The following KAZALD1 variants were observed in gnomAD, a reference collection of about 807,000 sequenced individuals.
KAZALD1 encodes kazal-type serine protease inhibitor domain-containing protein 1.
A neutral mutation model predicts 27.7 loss-of-function variants in KAZALD1; 31 were observed. The ratio of observed to expected loss-of-function variants is 1.12; its 90% CI spans 0.84 to 1.51. The LOEUF (loss-of-function observed/expected upper bound fraction) is 1.51. KAZALD1 is among the 40% of genes most tolerant of loss of function. The probability of loss-of-function intolerance (pLI) is 0.00; values close to 1 mark genes in which losing one functional copy is unlikely to be tolerated. For missense variants in KAZALD1, 444 were observed against 408.9 expected (o/e 1.09, Z -0.74); for synonymous variants, 179 against 182.0 (o/e 0.98, Z 0.13).
chr10:101,064,945 T>A lies in KAZALD1; in HGVS notation c.*25T>A. Reference sequence around the variant, plus strand: ...GGTCCAGAGCTCTGGCCCATGGGGGTGGGTGAGCGGCTATAGTGTTCATCC... The same window carrying A: ...GGTCCAGAGCTCTGGCCCATGGGGGAGGGTGAGCGGCTATAGTGTTCATCC... On this transcript the variant is annotated 3_prime_UTR_variant, in exon 5 of 5. Coordinates refer to ENST00000370200, the MANE Select transcript of KAZALD1 (RefSeq NM_030929.5). 1 of 1,544,016 alleles carries A rather than the reference T, an allele frequency of 6.5e-7. No individual in the cohort carries two copies. Among genetic ancestry groups the A allele is most frequent in the East Asian group, 2.2e-5 (1 of 44,530 alleles).
At position 101,062,918 on chromosome 10, in the gene KAZALD1, G is replaced by T. The variant is rs1343915703; in HGVS notation, c.326G>T (p.Arg109Leu). ...YGHCGEQLECRLDTGGDLSRG... is the reference protein window; with the variant it reads ...YGHCGEQLECLLDTGGDLSRG... ...CACTGCGGCGAGCAGCTTGAGTGCCGGCTGGACACAGGCGGCGACCTGAGC... is the reference window on the plus strand; with the variant it reads ...CACTGCGGCGAGCAGCTTGAGTGCCTGCTGGACACAGGCGGCGACCTGAGC... Residue 109 changes from arginine (R) to leucine (L), a missense_variant, in exon 2 of 5, where the codon CGG (arginine) becomes CTG (leucine). Transcript: ENST00000370200. 1.2e-6 allele frequency: 2 copies of T among 1,603,046 alleles called. No individual in the cohort carries two copies. Among genetic ancestry groups the T allele is most frequent in the Admixed American group, 1.7e-5 (1 of 59,970 alleles).
downstream of KAZALD1, chr10:101,067,313 G>A (rs1458070661): frequency 4.4e-6 from 2 of 456,746 alleles, no homozygotes; most frequent in Admixed American, 4.7e-5. Flanking sequence ...CTGAAGGCGG[G>A]AGAGGCTCAG....
In KAZALD1 at chr10:101,066,270, A is replaced by T. The variant is rs933774458; in HGVS notation, c.*1350A>T. On this transcript the variant is annotated 3_prime_UTR_variant, in exon 5 of 5. Coordinates refer to ENST00000370200, the MANE Select transcript of KAZALD1 (RefSeq NM_030929.5). ...CTGCGGGAGGGCCTGCCCTTGGCTCAGCGTCAGAGTTTGTCCTCTGGGGCC... is the reference window on the plus strand; with the variant it reads ...CTGCGGGAGGGCCTGCCCTTGGCTCTGCGTCAGAGTTTGTCCTCTGGGGCC... 2 of 388,796 alleles carry T rather than the reference A, an allele frequency of 5.1e-6. No individual in the cohort carries two copies. Among genetic ancestry groups the T allele is most frequent in the Non-Finnish European group, 1.1e-5 (2 of 188,554 alleles). The allele number at this position is 388,796 out of a possible 1,614,324, so 24.1% of individuals were successfully genotyped here. A position where few individuals can be genotyped will look rare whatever the true frequency, so the allele number is the denominator to read the frequency against.
rs754280490 is a variant in KAZALD1 at position 101,064,329 on chromosome 10, G to A, written c.580G>A (p.Glu194Lys). ...AGGGCAGGATGTGATCTTTGGCTGT[G>A]AAGTGTTTGCCTACCCCATGGCCTC... ...VTGQDVIFGC[E>K]VFAYPMASIE... The change falls in exon 3 of 5, where the codon GAA becomes AAA. Residue 194 changes from glutamate to lysine, a missense_variant. Coordinates refer to ENST00000370200, the MANE Select transcript of KAZALD1 (RefSeq NM_030929.5). 1.9e-6 allele frequency: 3 copies of A among 1,614,240 alleles called. No homozygotes were observed. The highest frequency in any genetic ancestry group is 1.7e-6 in the Non-Finnish European group (2 of 1,180,036).
chr10:101,064,592 G>A lies in KAZALD1; in HGVS notation c.764G>A (p.Gly255Asp). The change falls in exon 4 of 5, where the codon GGC becomes GAC. Residue 255 changes from glycine to aspartate, a missense_variant. By Grantham distance (94) the Gly-to-Asp change is moderately conservative (BLOSUM62 -1). Coordinates refer to ENST00000370200, the MANE Select transcript of KAZALD1 (RefSeq NM_030929.5). Reference sequence around the variant, plus strand: ...GATGAGGGCACTTACCGCTGCCTTGGCCGCAATGCCCTGGGTCAAGTGGAG... The same window carrying A: ...GATGAGGGCACTTACCGCTGCCTTGACCGCAATGCCCTGGGTCAAGTGGAG... ...PSDEGTYRCLGRNALGQVEAP... is the reference protein window; with the variant it reads ...PSDEGTYRCLDRNALGQVEAP... The A allele has an allele frequency of 3.7e-6, 6 of 1,613,762 alleles. No individual in the cohort carries two copies. The highest frequency in any genetic ancestry group is 5.1e-6 in the Non-Finnish European group (6 of 1,179,964).
chr10:101,066,613 G>T lies in KAZALD1; in HGVS notation c.*1693G>T, dbSNP rs915786761. On this transcript the variant is annotated 3_prime_UTR_variant, in exon 5 of 5. Coordinates refer to ENST00000370200, the MANE Select transcript of KAZALD1 (RefSeq NM_030929.5). ...AAATCCGCCCGGCGCTGAAAGAGGG[G>T]ACGTGGGTGTGAGTCCCAGCATCAG... 7 of 415,416 alleles carry T rather than the reference G, an allele frequency of 1.7e-5. No homozygotes were observed. The highest frequency in any genetic ancestry group is 3.5e-5 in the Non-Finnish European group (7 of 201,996). The allele number at this position is 415,416 out of a possible 1,614,324, so 25.7% of individuals were successfully genotyped here.
At chr10:101,062,483 T>C (rs1186203031) in intron 1 of KAZALD1, 59 bp from the exon 2 acceptor site, 23 of 1,470,284 alleles carry the variant, frequency 1.6e-5, no homozygotes, top group Non-Finnish European at 2.1e-5. Flanking sequence ...AGCAGTGAGG[T>C]TGGTCTTTCG....
At position 101,064,535 on chromosome 10, in the gene KAZALD1, G is replaced by A. The variant is rs11190812; in HGVS notation, c.707G>A (p.Gly236Asp). The change falls in exon 4 of 5, where the codon GGC (glycine) becomes GAC (aspartate). Residue 236 changes from glycine (G) to aspartate (D), a missense_variant. Physicochemically the swap from Gly to Asp is moderately conservative, Grantham distance 94 (BLOSUM62 -1). Transcript: ENST00000370200. ...GGACCCCAGAGGTTTGAGGTGACTG[G>A]CTGGCTGCAGATCCAGGCTGTGCGT... is the stretch of plus-strand genomic sequence containing the variant. ...RGGPQRFEVT[G>D]WLQIQAVRPS... is the part of the protein sequence containing the mutation. 0.038 allele frequency: 60,884 copies of A among 1,614,108 alleles called. 1,425 individuals are homozygous for A. The highest frequency in any genetic ancestry group is 0.051 in the Admixed American group (3,046 of 60,026).
In KAZALD1 at chr10:101,062,829, C is replaced by G. The variant is rs750238766; in HGVS notation, c.237C>G (p.Cys79Trp). ...GGGTGCGCGACGCGTGCGGCTGCTGCTGGGAATGCGCCAACCTCGAGGGCC... is the reference window on the plus strand; with the variant it reads ...GGGTGCGCGACGCGTGCGGCTGCTGGTGGGAATGCGCCAACCTCGAGGGCC... Reference protein sequence around the residue: ...AGRVRDACGCCWECANLEGQL... With the variant: ...AGRVRDACGCWWECANLEGQL... Residue 79 changes from cysteine (C) to tryptophan (W), a missense_variant, in exon 2 of 5, where the codon TGC becomes TGG. By Grantham distance (215) the Cys-to-Trp change is radical. Transcript: ENST00000370200. 5.0e-6 allele frequency: 8 copies of G among 1,589,092 alleles called. No individual in the cohort carries two copies. In the Admixed American group the frequency reaches 6.8e-5, roughly 13 times the overall value.
At chr10:101,064,186 G>A (rs1300511624) in intron 2 of KAZALD1, 75 bp from the exon 3 acceptor site, 1 of 1,541,826 alleles carries the variant, frequency 6.5e-7, no homozygotes, top group African/African-American at 1.4e-5. Flanking sequence ...ACAAAAATTT[G>A]TGTATCATGT....
intron 2 of KAZALD1, 59 bp downstream of exon 2, chr10:101,063,162 C>G: frequency 2.9e-6 from 4 of 1,383,890 alleles, no homozygotes; most frequent in Non-Finnish European, 3.8e-6. Context: ...CACTGCTCCC[C>G]GACCCCTGAC....
rs994368861 is a variant in KAZALD1 at position 101,064,916 on chromosome 10, A to G, written c.911A>G (p.Tyr304Cys). ...GAGAGTGAAGAGAATGACGATTACT[A>G]CTAGGTCCAGAGCTCTGGCCCATGG... ...EAESEENDDY[Y>C] The change falls in exon 5 of 5, where the codon TAC (tyrosine) becomes TGC (cysteine). Residue 304 changes from tyrosine to cysteine, a missense_variant. Tyr to Cys is a radical substitution (Grantham distance 194). Transcript: ENST00000370200. 1 of 1,611,388 alleles carries G rather than the reference A, an allele frequency of 6.2e-7. No homozygotes were observed. Among genetic ancestry groups the G allele is most frequent in the Non-Finnish European group, 8.5e-7 (1 of 1,177,544 alleles).
rs1939258219 is a variant in KAZALD1, at chr10:101,064,385, C to A, written c.636C>A (p.Ile212=). ...SIEWRKDGLD[I]QLPGDDPHIS... is the part of the protein sequence containing the mutation. ...AGTGGAGGAAGGATGGCTTGGACAT[C>A]CAGCTGCCAGGGGATGACCCCCACA... The change falls in exon 3 of 5, where the codon ATC becomes ATA. Residue 212 remains isoleucine, a synonymous_variant. Transcript: ENST00000370200. 1 of 1,614,088 alleles carries A rather than the reference C, an allele frequency of 6.2e-7. No individual in the cohort carries two copies. The highest frequency in any genetic ancestry group is 1.7e-5 in the Admixed American group (1 of 60,006).
rs375185241 is a variant in KAZALD1, at chr10:101,063,035, T to G, written c.443T>G (p.Leu148Arg). Residue 148 changes from leucine to arginine, a missense_variant, in exon 2 of 5, where the codon CTG becomes CGG. Physicochemically the swap from Leu to Arg is moderately radical, Grantham distance 102 (BLOSUM62 -2). Transcript: ENST00000370200. Reference protein sequence around the residue: ...DGHTYSQICRLQEAARARPDA... With the variant: ...DGHTYSQICRRQEAARARPDA... ...CACACCTACTCCCAGATCTGCCGCCTGCAGGAGGCGGCCCGCGCTCGGCCC... is the reference window on the plus strand; with the variant it reads ...CACACCTACTCCCAGATCTGCCGCCGGCAGGAGGCGGCCCGCGCTCGGCCC... 6.3e-7 allele frequency: 1 copy of G among 1,586,984 alleles called. No homozygotes were observed. Among genetic ancestry groups the G allele is most frequent in the Admixed American group, 1.7e-5 (1 of 59,352 alleles).
rs1188905653 is a variant in KAZALD1 at position 101,064,422 on chromosome 10, G to A, written c.672+1G>A. ...GGATGACCCCCACATCTCTGTGCAG[G>A]TAGACTGGTGGGAGAGGCTTCCCTC... On this transcript the variant is annotated splice_donor_variant, in intron 3 of 4. Coordinates refer to ENST00000370200, the MANE Select transcript of KAZALD1 (RefSeq NM_030929.5). LOFTEE classifies it high-confidence loss of function. 2 of 1,614,112 alleles carry A rather than the reference G, an allele frequency of 1.2e-6. No individual in the cohort carries two copies. Among genetic ancestry groups the A allele is most frequent in the Non-Finnish European group, 1.7e-6 (2 of 1,180,048 alleles).
chr10:101,062,491 T>C, intron 1 of KAZALD1, 51 bp from the exon 2 acceptor site: 1 of 1,488,680 alleles, frequency 6.7e-7, no homozygotes, highest in Non-Finnish European at 8.9e-7. Context: ...GGTTGGTCTT[T>C]CGGCACAGGC....
At position 101,066,658 on chromosome 10, in the gene KAZALD1, C is replaced by T. The variant is rs1373767878; in HGVS notation, c.*1738C>T. 1 of 372,278 alleles carries T rather than the reference C, an allele frequency of 2.7e-6. No homozygotes were observed. The highest frequency in any genetic ancestry group is 2.1e-5 in the African/African-American group (1 of 47,626). 23.1% of individuals were successfully genotyped at this position (372,278 alleles called of 1,614,324 possible). ...CATCAGCCAGGGAATCCGCCCCTAG[C>T]TTGTTCTTCGCCCAGCTGGGCTCCA... is the stretch of plus-strand genomic sequence containing the variant. On this transcript the variant is annotated 3_prime_UTR_variant, in exon 5 of 5. Transcript: ENST00000370200.
In KAZALD1 at chr10:101,064,623, T is replaced by G; in HGVS notation, c.795T>G (p.Pro265=). ...ATGCCCTGGGTCAAGTGGAGGCCCC[T>G]GCTAGCTTGACAGTGCTCACACCTG... is the stretch of plus-strand genomic sequence containing the variant. ...GRNALGQVEA[P]ASLTVLTPDQ... is the part of the protein sequence containing the mutation. Residue 265 remains proline (P), a synonymous_variant, in exon 4 of 5, where the codon CCT becomes CCG. Coordinates refer to ENST00000370200, the MANE Select transcript of KAZALD1 (RefSeq NM_030929.5). 6.2e-7 allele frequency: 1 copy of G among 1,613,750 alleles called. No individual in the cohort carries two copies. Among genetic ancestry groups the G allele is most frequent in the South Asian group, 1.1e-5 (1 of 91,060 alleles).
At position 101,064,848 on chromosome 10, in the gene KAZALD1, C is replaced by T; in HGVS notation, c.843C>T (p.Ile281=). 1.9e-6 allele frequency: 3 copies of T among 1,614,024 alleles called. No homozygotes were observed. Among genetic ancestry groups the T allele is most frequent in the African/African-American group, 1.3e-5 (1 of 75,056 alleles). The change falls in exon 5 of 5, where the codon ATC becomes ATT. Residue 281 remains isoleucine (I), a synonymous_variant. Coordinates refer to ENST00000370200, the MANE Select transcript of KAZALD1 (RefSeq NM_030929.5). ...LTPDQLNSTG[I]PQLRSLNLVP... ...CAGACCAGCTGAACTCTACAGGCATCCCCCAGCTGCGATCACTAAACCTGG... is the reference window on the plus strand; with the variant it reads ...CAGACCAGCTGAACTCTACAGGCATTCCCCAGCTGCGATCACTAAACCTGG...
Sources: gnomAD v4.1 joint callset for allele counts on GRCh38, gnomAD v4.1.1 for gene constraint, MANE v1.5 for transcripts, NCBI Gene and HGNC (gene_info 2026-07-23, HGNC 2026-07-21) for gene names.